IFT88: variants seen among roughly 807,000 people sequenced by gnomAD.
IFT88 encodes intraflagellar transport 88, also known as intraflagellar transport protein 88 homolog.
Under a neutral mutation model 119.5 loss-of-function variants are expected in IFT88, and 74 were observed. The observed-to-expected ratio is 0.62, with a 90% confidence interval of 0.51 to 0.75. The LOEUF is 0.75. IFT88 is among the 30% of genes least tolerant of loss of function. IFT88 has a pLI of 0.00. For missense variants in IFT88, 961 were observed against 977.7 expected, an observed-to-expected ratio of 0.98 and a Z score of 0.23; for synonymous variants, 279 against 316.7, an observed-to-expected ratio of 0.88 and a Z score of 1.26.
intron 14 of IFT88, among the ~76,000 whole-genome samples, chr13:20,616,447 T>G (rs1231647850): frequency 6.6e-6 from 1 of 152,244 alleles, no homozygotes. Flanking sequence ...TAGATAGATT[T>G]AGATATACAA....
intron 13 of IFT88, among the ~76,000 whole-genome samples, chr13:20,614,619 T>A (rs2139618614): frequency 6.6e-6 from 1 of 152,276 alleles, no homozygotes; most frequent in East Asian, 1.9e-4. Flanking sequence ...GGGAATATTC[T>A]GTTTCTTGAC....
intron 13 of IFT88, chr13:20,607,608 T>C (rs1239881022): frequency 2.6e-6 from 2 of 765,440 alleles, no homozygotes; most frequent in Non-Finnish European, 4.8e-6. Flanking sequence ...GCTCAACATC[T>C]TGGGCTGCCA....
At chr13:20,601,639 G>T in intron 11 of IFT88, 66 bp from the exon 12 acceptor site, 1 of 1,004,448 alleles carries the variant, frequency 1.0e-6, no homozygotes. Flanking sequence ...AACTATTTGT[G>T]AATGGTTTGA....
chr13:20,627,515 A>C (rs113648149), intron 15 of IFT88, among the ~76,000 whole-genome samples: 114 of 152,258 alleles, frequency 7.5e-4, no homozygotes, highest in African/African-American at 2.7e-3. Context: ...GGATCACCTG[A>C]GGTCAAGAGT....
chr13:20,671,141 T>A (rs2055784691), intron 24 of IFT88, 102 bp downstream of exon 24: 1 of 886,032 alleles, frequency 1.1e-6, no homozygotes, highest in South Asian at 1.6e-5. Context: ...TATGTGTCTG[T>A]CGGTTTGTTC....
intron 2 of IFT88, among the ~76,000 whole-genome samples, chr13:20,580,975 T>A (rs2038516802): frequency 6.6e-6 from 1 of 152,200 alleles, no homozygotes; most frequent in Non-Finnish European, 1.5e-5. Context: ...TCCGCCCACC[T>A]CAGCCTCCCA....
In IFT88 at chr13:20,691,154, A is replaced by G. The variant is rs75494891; in HGVS notation, c.2454A>G (p.Gly818=). The G allele has an allele frequency of 1.2e-3, 2,010 of 1,613,404 alleles. 28 individuals are homozygous for G. In the African/African-American group the frequency reaches 0.024, roughly 20 times the overall value. ...ATGATTTTGCTGATGAAGAATTAGG[A>G]GATGATTTGCTTCCAGAATAATATT... ...DEDDFADEEL[G]DDLLPE Residue 818 remains glycine (G), a synonymous_variant, in exon 26 of 26, where the codon GGA becomes GGG. Transcript: ENST00000351808.
chr13:20,614,771 GAAT>G (rs773526860), intron 13 of IFT88, among the ~76,000 whole-genome samples: 66 of 150,016 alleles, frequency 4.4e-4, no homozygotes, highest in Non-Finnish European at 6.2e-4. Context: ...TCAAAAGAAA[GAAT>G]AACAAGATGA....
chr13:20,666,696 CATA>C (rs2054751539), intron 23 of IFT88, among the ~76,000 whole-genome samples: 1 of 152,080 alleles, frequency 6.6e-6, no homozygotes, highest in Non-Finnish European at 1.5e-5. Flanking sequence ...GTGGGAATGA[CATA>C]ATATTTTTTC....
chr13:20,678,619 A>AAACCAACAACTTCTAGCAGTGTG (rs1238505957), intron 24 of IFT88, among the ~76,000 whole-genome samples: 4 of 152,198 alleles, frequency 2.6e-5, no homozygotes, highest in Admixed American at 2.0e-4. Flanking sequence ...CTGCTCCAGT[A>AAACCAACAACTTCTAGCAGTGTG]AACCAACAAC....
intron 22 of IFT88, among the ~76,000 whole-genome samples, chr13:20,662,056 C>T (rs376507577): frequency 5.9e-5 from 9 of 152,158 alleles, no homozygotes; most frequent in East Asian, 1.9e-4. Flanking sequence ...TGGATGATGT[C>T]GGGAGATGTA....
intron 13 of IFT88, among the ~76,000 whole-genome samples, chr13:20,609,985 A>T (rs1056185764): frequency 1.2e-4 from 19 of 152,144 alleles, no homozygotes; most frequent in African/African-American, 4.6e-4. Context: ...CACCACACCC[A>T]GCTTCTTGCT....
At chr13:20,643,963 G>C (rs1395819264) in intron 19 of IFT88, among the ~76,000 whole-genome samples, 1 of 152,090 alleles carries the variant, frequency 6.6e-6, no homozygotes, top group African/African-American at 2.4e-5. Context: ...ATCTTGGCCA[G>C]GCCAGTCTCG....
intron 17 of IFT88, among the ~76,000 whole-genome samples, chr13:20,639,747 A>G (rs985403004): frequency 3.5e-5 from 5 of 143,836 alleles, no homozygotes; most frequent in Non-Finnish European, 6.1e-5. Context: ...AATTTCTTTT[A>G]TCAGAGAATT....
chr13:20,658,741 A>G (rs1399214693), intron 22 of IFT88, among the ~76,000 whole-genome samples: 4 of 152,176 alleles, frequency 2.6e-5, no homozygotes, highest in African/African-American at 7.2e-5. Flanking sequence ...TCTCACCCCT[A>G]GATATGAAAA....
intron 15 of IFT88, among the ~76,000 whole-genome samples, chr13:20,629,489 T>A (rs1041960602): frequency 6.6e-6 from 1 of 152,206 alleles, no homozygotes; most frequent in African/African-American, 2.4e-5. Flanking sequence ...CCTAGAAACT[T>A]CCATCAGTTT....
intron 24 of IFT88, among the ~76,000 whole-genome samples, chr13:20,681,856 G>C (rs540335719): frequency 1.3e-5 from 2 of 152,316 alleles, no homozygotes; most frequent in South Asian, 4.1e-4. Flanking sequence ...CTGAAGTATA[G>C]GGCGTCTGGA....
chr13:20,662,440 C>T (rs969228887), intron 22 of IFT88, among the ~76,000 whole-genome samples: 2 of 152,178 alleles, frequency 1.3e-5, no homozygotes, highest in African/African-American at 4.8e-5. Flanking sequence ...GGAATACTCC[C>T]TAACTCATTT....
chr13:20,626,043 C>CTTTTTTTTTTTTTTTTTT (rs528587128), intron 15 of IFT88, among the ~76,000 whole-genome samples, 194 bp downstream of exon 15: 1 of 39,574 alleles, frequency 2.5e-5, no homozygotes, highest in African/African-American at 1.2e-4. Flanking sequence ...TTTGTCGTTT[C>CTTTTTTTTTTTTTTTTTT]TTTTTTTTTT....
Sources: allele counts gnomAD v4.1 joint callset (sites outside exome capture counted in the v4.1 genomes callset), GRCh38; gene constraint gnomAD v4.1.1; transcripts MANE v1.5; gene names NCBI Gene and HGNC (gene_info 2026-07-23, HGNC 2026-07-21).